GALNT8: variants seen among roughly 807,000 people sequenced by gnomAD.
GALNT8 encodes the protein probable polypeptide N-acetylgalactosaminyltransferase 8.
Under a neutral mutation model 62.7 loss-of-function variants are expected in GALNT8, and 66 were observed. The ratio of observed to expected loss-of-function variants is 1.05; its 90% CI spans 0.86 to 1.29. The LOEUF (loss-of-function observed/expected upper bound fraction) is 1.29. Among genes scored for constraint, GALNT8 ranks in the 50% most tolerant of loss-of-function variants. GALNT8 has a pLI of 0.00. For synonymous variants in GALNT8, 288 were observed against 294.3 expected, an observed-to-expected ratio of 0.98 and a Z score of 0.22; for missense variants, 771 against 791.8, an observed-to-expected ratio of 0.97 and a Z score of 0.32.
intron 3 of GALNT8, among the ~76,000 whole-genome samples, chr12:4,740,657 C>T (rs999889206): frequency 6.6e-6 from 1 of 152,164 alleles, no homozygotes; most frequent in African/African-American, 2.4e-5. Context: ...CTCCTGATCT[C>T]AGATGGTTTG....
intron 9 of GALNT8, among the ~76,000 whole-genome samples, chr12:4,764,787 C>G (rs1368738777): frequency 6.6e-6 from 1 of 150,868 alleles, no homozygotes; most frequent in South Asian, 2.1e-4. Flanking sequence ...CTCCTGATCT[C>G]GTGATCCGCC....
intron 9 of GALNT8, 75 bp from the exon 10 acceptor site, chr12:4,765,304 C>T (rs1056424872): frequency 2.5e-5 from 34 of 1,358,310 alleles, no homozygotes; most frequent in South Asian, 1.3e-4. Context: ...TGCTGTCCCT[C>T]GGGCTAGGGT....
chr12:4,752,207 C>CCACT (rs995839324), intron 6 of GALNT8, among the ~76,000 whole-genome samples: 1 of 151,844 alleles, frequency 6.6e-6, no homozygotes. Context: ...ATTCATTTGG[C>CCACT]CACTCTATGT....
At chr12:4,738,939 A>G (rs1946257785) in intron 2 of GALNT8, among the ~76,000 whole-genome samples, 1 of 152,224 alleles carries the variant, frequency 6.6e-6, no homozygotes, top group African/African-American at 2.4e-5. Flanking sequence ...AACATCTAGC[A>G]AAGATTAATA....
chr12:4,765,983 G>A (rs941328606), intron 10 of GALNT8, among the ~76,000 whole-genome samples: 4 of 152,178 alleles, frequency 2.6e-5, no homozygotes, highest in African/African-American at 9.7e-5. Context: ...GTTTCACCAT[G>A]GCTGGTCTTG....
In GALNT8 at chr12:4,729,571, G is replaced by A. The variant is rs573431442; in HGVS notation, c.509+2742G>A. On this transcript the variant is annotated intron_variant, in intron 2 of 10. Coordinates refer to ENST00000252318, the MANE Select transcript of GALNT8 (RefSeq NM_017417.2). Reference sequence around the variant, plus strand: ...CCTTGCTTATTTTACTTAACATAATGTACTCCACATTTATCCATGTTGTCA... The same window carrying A: ...CCTTGCTTATTTTACTTAACATAATATACTCCACATTTATCCATGTTGTCA... Among the ~76,000 whole-genome samples the A allele has an allele frequency of 3.3e-5, 5 of 152,160 alleles. No individual in the cohort carries two copies. In the East Asian group the frequency reaches 7.7e-4, roughly 23 times the overall value.
In GALNT8 at chr12:4,745,599, A is replaced by T; in HGVS notation, c.1031A>T (p.Asp344Val). 1 of 1,613,964 alleles carries T rather than the reference A, an allele frequency of 6.2e-7. No homozygotes were observed. The change falls in exon 5 of 11, where the codon GAT (aspartate) becomes GTT (valine). Residue 344 changes from aspartate to valine, a missense_variant. Asp to Val is a radical substitution (Grantham distance 152). Coordinates refer to ENST00000252318, the MANE Select transcript of GALNT8 (RefSeq NM_017417.2). Reference sequence around the variant, plus strand: ...GATGCACTGCCACAAGCCTGGATTGATCTGCATGATGTCACTGCCCCAGTG... The same window carrying T: ...GATGCACTGCCACAAGCCTGGATTGTTCTGCATGATGTCACTGCCCCAGTG... ...RYDALPQAWI[D>V]LHDVTAPVKS...
intron 1 of GALNT8, among the ~76,000 whole-genome samples, chr12:4,724,148 CAAAA>C (rs11456593): frequency 1.1e-3 from 55 of 48,102 alleles, no homozygotes; most frequent in African/African-American, 5.0e-3. Flanking sequence ...GACTCCGTCT[CAAAA>C]AAAAAAAAAA....
Position 4,720,739 on chromosome 12 carries a change from T to C in GALNT8, c.62T>C (p.Val21Ala). 1 of 1,613,758 alleles carries C rather than the reference T, an allele frequency of 6.2e-7. No homozygotes were observed. Among genetic ancestry groups the C allele is most frequent in the Non-Finnish European group, 8.5e-7 (1 of 1,179,596 alleles). Reference sequence around the variant, plus strand: ...ATTGGGCTGACTCTGGCCATTGCTGTCAATCTCCTTCTGGTATTTTCTAGC... The same window carrying C: ...ATTGGGCTGACTCTGGCCATTGCTGCCAATCTCCTTCTGGTATTTTCTAGC... ...LFIGLTLAIA[V>A]NLLLVFSSKG... The change falls in exon 1 of 11, where the codon GTC becomes GCC. Residue 21 changes from valine to alanine, a missense_variant. By Grantham distance (64) the Val-to-Ala change is moderately conservative (BLOSUM62 0). Transcript: ENST00000252318.
chr12:4,760,999 C>A lies in GALNT8; in HGVS notation c.1215C>A (p.Ser405=). The part of the protein sequence containing the change: ...CGGKVEILPC[S]RIAHLERHHK... ...GGAAGGTCGAGATTTTGCCCTGTTCCCGGATTGCCCACCTAGAGAGACACC... is the reference window on the plus strand; with the variant it reads ...GGAAGGTCGAGATTTTGCCCTGTTCACGGATTGCCCACCTAGAGAGACACC... The change falls in exon 7 of 11, where the codon TCC becomes TCA. Residue 405 remains serine, a synonymous_variant. Transcript: ENST00000252318. 1 of 1,614,026 alleles carries A rather than the reference C, an allele frequency of 6.2e-7. No individual in the cohort carries two copies. Among genetic ancestry groups the A allele is most frequent in the South Asian group, 1.1e-5 (1 of 91,066 alleles).
intron 10 of GALNT8, among the ~76,000 whole-genome samples, chr12:4,770,082 A>G (rs2137547375): frequency 6.6e-6 from 1 of 152,238 alleles, no homozygotes; most frequent in East Asian, 1.9e-4. Context: ...GCAGACCATG[A>G]ACTGAGGTCA....
At chr12:4,754,156 G>A (rs570894766) in intron 6 of GALNT8, among the ~76,000 whole-genome samples, 6 of 152,082 alleles carry the variant, frequency 3.9e-5, no homozygotes, top group Middle Eastern at 3.4e-3. Context: ...CACAGAACTG[G>A]GTCTCACTCA....
chr12:4,734,411 C>G (rs73049408), intron 2 of GALNT8, among the ~76,000 whole-genome samples: 10,142 of 152,194 alleles, frequency 0.067, 460 homozygotes, highest in East Asian at 0.11. Context: ...TTAACAAGAT[C>G]CCCAAGTGAT....
Position 4,723,750 on chromosome 12 carries a change from C to CTT in GALNT8, c.212-2764_212-2763dup, listed in dbSNP as rs539656719. On this transcript the variant is annotated intron_variant, in intron 1 of 10. Coordinates refer to ENST00000252318, the MANE Select transcript of GALNT8 (RefSeq NM_017417.2). ...GGGCCCTGTTTCTAGATCACCAATG[C>CTT]TTTTTTTTTTTTTTTTTTTCCACAG... Among the ~76,000 whole-genome samples, 66 of 124,890 alleles carry CTT rather than the reference C, an allele frequency of 5.3e-4. 1 individual carries two copies. Among genetic ancestry groups the CTT allele is most frequent in the Middle Eastern group, 4.4e-3 (1 of 226 alleles). The allele number at this position is 124,890 out of a possible 152,430, so 81.9% of individuals were successfully genotyped here.
At chr12:4,750,979 C>T (rs184516519) in intron 6 of GALNT8, among the ~76,000 whole-genome samples, 18 of 152,242 alleles carry the variant, frequency 1.2e-4, no homozygotes, top group Middle Eastern at 3.4e-3. Flanking sequence ...GACCACACAC[C>T]TGTAACTATC....
chr12:4,727,416 C>G (rs1448948942), intron 2 of GALNT8, among the ~76,000 whole-genome samples: 1 of 152,080 alleles, frequency 6.6e-6, no homozygotes, highest in Non-Finnish European at 1.5e-5. Flanking sequence ...TAATGTTTTT[C>G]AGTATATTCA....
rs998110366 is a variant in GALNT8 at position 4,761,092 on chromosome 12, G to A, written c.1308G>A (p.Trp436Ter). The A allele has an allele frequency of 1.9e-6, 3 of 1,614,104 alleles. No homozygotes were observed. Among genetic ancestry groups the A allele is most frequent in the East Asian group, 2.2e-5 (1 of 44,870 alleles). ...KRNALRVAEI[W>*]MDEHKHMVYL... ...ATGCTCTGCGAGTGGCCGAAATCTG[G>A]ATGGATGAGCACAAACACATGGTCT... is the stretch of plus-strand genomic sequence containing the variant. The change falls in exon 7 of 11, where the codon TGG (tryptophan) becomes TGA (stop). Residue 436 changes from tryptophan to a stop codon, truncating the protein, a stop_gained. Transcript: ENST00000252318. LOFTEE classifies it high-confidence loss of function.
rs1565381457 is a variant in GALNT8 at position 4,726,402 on chromosome 12, G to A, written c.212-130G>A. 4 of 662,592 alleles carry A rather than the reference G, an allele frequency of 6.0e-6. No individual in the cohort carries two copies. The highest frequency in any genetic ancestry group is 7.7e-6 in the Non-Finnish European group (3 of 390,776). The allele number at this position is 662,592 out of a possible 1,614,324, so 41.0% of individuals were successfully genotyped here. A position where few individuals can be genotyped will look rare whatever the true frequency, so the allele number is the denominator to read the frequency against. The stretch of plus-strand genomic sequence containing the variant: ...TTCCCTGACATACTACATCCTCTGT[G>A]ACAAGAGCTTATAAGTTTTAAGATG... On this transcript the variant is annotated intron_variant, in intron 1 of 10. Transcript: ENST00000252318. This position sits in a 1 kb window ranked among gnomAD's most constrained non-coding sequence, Gnocchi z 4.1.
rs762575212 is a variant in GALNT8, at chr12:4,772,578, G to T, written c.1895G>T (p.Gly632Val). ...ATCCAGCACACTGTCAGAGACTGGG[G>T]TCAGACCAACAGCCAGTGATCCTCA... ...WEIQHTVRDW[G>V]QTNSQ Residue 632 changes from glycine to valine, a missense_variant, in exon 11 of 11, where the codon GGT (glycine) becomes GTT (valine). Transcript: ENST00000252318. 8.7e-6 allele frequency: 14 copies of T among 1,613,616 alleles called. No homozygotes were observed. The African/African-American group carries it at 1.9e-4, about 22-fold the overall frequency.
Sources: allele counts gnomAD v4.1 joint callset (sites outside exome capture counted in the v4.1 genomes callset), GRCh38; gene constraint gnomAD v4.1.1; non-coding constraint Gnocchi (gnomAD v3.1); transcripts MANE v1.5; gene names NCBI Gene and HGNC (gene_info 2026-07-23, HGNC 2026-07-21).